Variants in LMF1 observed in about 807,000 individuals in gnomAD.
LMF1 encodes the protein transmembrane protein 112.
In LMF1, 68 loss-of-function variants were observed where a neutral mutation model predicts 60.6. That is an observed-to-expected ratio of 1.12 (90% CI 0.92 to 1.37). LMF1 has a LOEUF of 1.37. Among genes scored for constraint, LMF1 ranks in the 40% most tolerant of loss-of-function variants. LMF1 has a pLI of 0.00. For missense variants in LMF1, 948 were observed against 767.2 expected (o/e 1.24, Z -2.78); for synonymous variants, 418 against 324.7 (o/e 1.29, Z -3.09).
chr16:906,680 G>A (rs369232518), intron 4 of LMF1, among the ~76,000 whole-genome samples: 103 of 152,256 alleles, frequency 6.8e-4, no homozygotes, highest in Middle Eastern at 3.4e-3. Flanking sequence ...CCACACACCT[G>A]TGTCACACTG....
At chr16:884,261 T>A (rs1336044227) in intron 5 of LMF1, 1 of 152,248 alleles carries the variant, frequency 6.6e-6, no homozygotes, top group Non-Finnish European at 1.5e-5. Flanking sequence ...AGCGGATCTC[T>A]TAGAATAGTA....
upstream of LMF1, chr16:975,930 T>G (rs764525283): frequency 2.4e-6 from 1 of 416,220 alleles, no homozygotes. Flanking sequence ...CTGGTTATAC[T>G]TGAAATGGGG....
At chr16:856,241 G>T (rs1337047146) in intron 10 of LMF1, among the ~76,000 whole-genome samples, 1 of 152,088 alleles carries the variant, frequency 6.6e-6, no homozygotes, top group Non-Finnish European at 1.5e-5. Context: ...GGCTGCCATG[G>T]TTTTCCTTGG....
At chr16:914,587 A>C in intron 3 of LMF1, among the ~76,000 whole-genome samples, 1 of 79,078 alleles carries the variant, frequency 1.3e-5, no homozygotes, top group Admixed American at 1.7e-4. Flanking sequence ...CTCCCTTCCC[A>C]TGACCACTGG....
At chr16:856,793 G>A (rs923585300) in intron 10 of LMF1, among the ~76,000 whole-genome samples, 2 of 152,238 alleles carry the variant, frequency 1.3e-5, no homozygotes, top group Admixed American at 6.5e-5. Flanking sequence ...CGCCCCGGAG[G>A]GCTTGAGAGT....
intron 3 of LMF1, among the ~76,000 whole-genome samples, chr16:925,544 A>T (rs2071568596): frequency 6.6e-6 from 1 of 152,226 alleles, no homozygotes; most frequent in Admixed American, 6.5e-5. Context: ...AGCCTGGACA[A>T]CATAGCAAGA....
chr16:942,628 G>T (rs1246205262), intron 2 of LMF1, among the ~76,000 whole-genome samples: 1 of 139,710 alleles, frequency 7.2e-6, no homozygotes, highest in Non-Finnish European at 1.6e-5. Context: ...CTCTCTCTGT[G>T]GGGCTCCAAT....
chr16:940,440 G>A (rs768683762), intron 2 of LMF1, among the ~76,000 whole-genome samples: 1 of 152,058 alleles, frequency 6.6e-6, no homozygotes, highest in Non-Finnish European at 1.5e-5. Flanking sequence ...GGTGGTGTGG[G>A]AGGGTCCTCC....
chr16:967,665 C>G (rs1158128620), intron 1 of LMF1, among the ~76,000 whole-genome samples: 1 of 152,242 alleles, frequency 6.6e-6, no homozygotes, highest in East Asian at 1.9e-4. Context: ...CATCCCCGAC[C>G]ACCTCGGGCA....
At chr16:871,549 G>A (rs1292624555) in intron 6 of LMF1, 7 of 595,202 alleles carry the variant, frequency 1.2e-5, no homozygotes, top group Non-Finnish European at 2.1e-5. Context: ...TCCGGCAGGT[G>A]CTTCCAGAAC....
chr16:954,545 T>C lies in LMF1; in HGVS notation c.315A>G (p.Glu105=), dbSNP rs769362730. 1.9e-6 allele frequency: 3 copies of C among 1,613,254 alleles called. No individual in the cohort carries two copies. The highest frequency in any genetic ancestry group is 1.7e-5 in the Admixed American group (1 of 59,974). ...QQYFQDRTSW[E]VFSYMPTILW... Reference sequence around the variant, plus strand: ...GGATGGTGGGCATGTAGCTGAAGACTTCCCAGCTCGTCCTGTCCTGGAAGT... The same window carrying C: ...GGATGGTGGGCATGTAGCTGAAGACCTCCCAGCTCGTCCTGTCCTGGAAGT... Residue 105 remains glutamate (E), a synonymous_variant, in exon 2 of 11, where the codon GAA becomes GAG. Transcript: ENST00000262301.
intron 5 of LMF1, among the ~76,000 whole-genome samples, chr16:881,924 C>A (rs538442398): frequency 1.2e-4 from 18 of 152,108 alleles, no homozygotes; most frequent in Non-Finnish European, 7.4e-5. Context: ...GGGAGGGGAG[C>A]GGGGGCTGCT....
intron 3 of LMF1, among the ~76,000 whole-genome samples, chr16:912,761 C>T (rs995702051): frequency 6.6e-6 from 1 of 152,212 alleles, no homozygotes; most frequent in African/African-American, 2.4e-5. Context: ...AAAGGGTTGC[C>T]CTGGGCCCAC....
intron 2 of LMF1, among the ~76,000 whole-genome samples, chr16:952,244 GCAACAGC>G (rs2072491119): frequency 6.6e-6 from 1 of 151,986 alleles, no homozygotes; most frequent in African/African-American, 2.4e-5. Context: ...GCCCACCCCA[GCAACAGC>G]CACACAGTGG....
intron 3 of LMF1, among the ~76,000 whole-genome samples, chr16:920,750 G>A (rs150071395): frequency 6.0e-4 from 92 of 152,298 alleles, no homozygotes; most frequent in Middle Eastern, 6.8e-3. Flanking sequence ...AACTGGCAAC[G>A]GAAGATAAAA....
intron 3 of LMF1, among the ~76,000 whole-genome samples, chr16:931,002 T>C (rs1235698013): frequency 3.9e-5 from 6 of 152,000 alleles, no homozygotes. Flanking sequence ...GCGCCTGTAA[T>C]CCCAGCTACT....
chr16:913,691 G>A (rs1479429253), intron 3 of LMF1, among the ~76,000 whole-genome samples: 1 of 152,242 alleles, frequency 6.6e-6, no homozygotes, highest in East Asian at 1.9e-4. Flanking sequence ...ACTGTACTGT[G>A]CCATTCACAG....
At chr16:919,913 G>T (rs1365991373) in intron 3 of LMF1, among the ~76,000 whole-genome samples, 1 of 152,108 alleles carries the variant, frequency 6.6e-6, no homozygotes, top group African/African-American at 2.4e-5. Context: ...TCAGGCTCCT[G>T]CCCCCGGCAC....
chr16:889,161 G>T (rs897422198), intron 5 of LMF1, among the ~76,000 whole-genome samples: 23 of 152,344 alleles, frequency 1.5e-4, no homozygotes, highest in Non-Finnish European at 3.1e-4. Flanking sequence ...CACGACGTGA[G>T]GAAAGCCACA....
Sources: allele counts gnomAD v4.1 joint callset (sites outside exome capture counted in the v4.1 genomes callset), GRCh38; gene constraint gnomAD v4.1.1; transcripts MANE v1.5; gene names NCBI Gene and HGNC (gene_info 2026-07-23, HGNC 2026-07-21).